WWOX: variants seen among roughly 807,000 people sequenced by gnomAD.
The protein encoded by WWOX is WW domain-containing oxidoreductase.
WWOX carries 69 observed loss-of-function variants against 46.2 expected under a neutral mutation model. The ratio of observed to expected loss-of-function variants is 1.49; its 90% CI spans 1.23 to 1.82. The LOEUF is 1.82. Ranked by LOEUF, WWOX falls within the 40% of genes most tolerant of loss-of-function variation. WWOX has a pLI of 0.00. For missense variants in WWOX, 919 were observed against 542.6 expected (o/e 1.69, Z -6.89); for synonymous variants, 359 against 202.6 (o/e 1.77, Z -6.56).
At chr16:78,379,798 A>T (rs1050493279) in intron 5 of WWOX, among the ~76,000 whole-genome samples, 1 of 152,140 alleles carries the variant, frequency 6.6e-6, no homozygotes, top group African/African-American at 2.4e-5. Context: ...TGGTTTTGAA[A>T]ACTAGGTTTG....
At chr16:78,427,526 A>G (rs1045525042) in intron 7 of WWOX, among the ~76,000 whole-genome samples, 1 of 147,992 alleles carries the variant, frequency 6.8e-6, no homozygotes, top group Non-Finnish European at 1.5e-5. Flanking sequence ...ACAAAATCAC[A>G]CATACACGCA....
At chr16:78,439,757 G>A (rs1053140616) in intron 8 of WWOX, among the ~76,000 whole-genome samples, 2 of 152,228 alleles carry the variant, frequency 1.3e-5, no homozygotes, top group African/African-American at 4.8e-5. Flanking sequence ...TGTATCCAGA[G>A]TTGCTGAGGC....
At chr16:78,333,160 C>T (rs1310889791) in intron 5 of WWOX, among the ~76,000 whole-genome samples, 2 of 148,810 alleles carry the variant, frequency 1.3e-5, no homozygotes, top group East Asian at 4.0e-4. Flanking sequence ...AGGCGATTCT[C>T]CTGCCTCAGC....
intron 8 of WWOX, among the ~76,000 whole-genome samples, chr16:78,761,136 A>G (rs755942931): frequency 1.3e-5 from 2 of 152,168 alleles, no homozygotes; most frequent in Non-Finnish European, 2.9e-5. Context: ...CAGGCTAATG[A>G]CTGAGCGGGG....
At chr16:79,047,672 ATTTT>A (rs71140858) in intron 8 of WWOX, among the ~76,000 whole-genome samples, 1,294 of 53,248 alleles carry the variant, frequency 0.024, 7 homozygotes, top group African/African-American at 0.096. Context: ...GACTGTCCTG[ATTTT>A]TTTTTTTTTT....
intron 8 of WWOX, among the ~76,000 whole-genome samples, chr16:78,658,350 G>A (rs182572486): frequency 6.6e-6 from 1 of 152,300 alleles, no homozygotes; most frequent in East Asian, 1.9e-4. Flanking sequence ...TATGTGCCAT[G>A]CCCTGCTCTA....
intron 8 of WWOX, among the ~76,000 whole-genome samples, chr16:78,810,852 A>G (rs750329219): frequency 3.3e-5 from 5 of 152,248 alleles, no homozygotes; most frequent in Non-Finnish European, 7.3e-5. Context: ...ATCCAAAAAG[A>G]CAAGTGCTCA....
At chr16:78,571,199 G>C (rs753139996) in intron 8 of WWOX, among the ~76,000 whole-genome samples, 1 of 152,180 alleles carries the variant, frequency 6.6e-6, no homozygotes, top group South Asian at 2.1e-4. Flanking sequence ...TAATAATGCA[G>C]ACAGCCTTTG....
intron 8 of WWOX, among the ~76,000 whole-genome samples, chr16:78,652,285 T>A (rs1245227606): frequency 2.6e-5 from 4 of 151,680 alleles, no homozygotes; most frequent in African/African-American, 9.7e-5. Context: ...GGTGAGCACC[T>A]GTAATCCCAG....
intron 8 of WWOX, among the ~76,000 whole-genome samples, chr16:78,657,021 T>G (rs191681442): frequency 6.6e-6 from 1 of 152,280 alleles, no homozygotes; most frequent in East Asian, 1.9e-4. Flanking sequence ...CGTGTACTCA[T>G]TTATTTCTGA....
intron 5 of WWOX, among the ~76,000 whole-genome samples, chr16:78,293,502 C>G (rs761256135): frequency 6.6e-6 from 1 of 152,120 alleles, no homozygotes; most frequent in East Asian, 1.9e-4. Context: ...GTTCTAAGCT[C>G]TATGGATCAC....
intron 5 of WWOX, among the ~76,000 whole-genome samples, chr16:78,357,997 G>A (rs550577107): frequency 6.6e-6 from 1 of 152,132 alleles, no homozygotes; most frequent in African/African-American, 2.4e-5. Context: ...CCGGAGATGT[G>A]GAGCTGTGCA....
At chr16:79,187,945 T>C (rs1325008704) in intron 8 of WWOX, among the ~76,000 whole-genome samples, 4 of 152,172 alleles carry the variant, frequency 2.6e-5, no homozygotes, top group Non-Finnish European at 4.4e-5. Flanking sequence ...CAAGGCACGA[T>C]TGATAATGTT....
intron 5 of WWOX, among the ~76,000 whole-genome samples, chr16:78,216,850 G>C (rs1408806187): frequency 2.6e-5 from 4 of 152,080 alleles, no homozygotes; most frequent in Admixed American, 2.6e-4. Context: ...TCCTGCCTCA[G>C]CCTCCTGAGT....
chr16:78,579,314 A>G (rs1396533985), intron 8 of WWOX, among the ~76,000 whole-genome samples: 1 of 152,128 alleles, frequency 6.6e-6, no homozygotes, highest in African/African-American at 2.4e-5. Flanking sequence ...CGACGGTGTG[A>G]GTGATATGGA....
At chr16:78,807,832 T>G (rs909906433) in intron 8 of WWOX, among the ~76,000 whole-genome samples, 1 of 152,252 alleles carries the variant, frequency 6.6e-6, no homozygotes, top group Non-Finnish European at 1.5e-5. Context: ...TAAAGTTGTA[T>G]AACATTTGTA....
At chr16:78,214,847 G>A (rs879749641) in intron 5 of WWOX, among the ~76,000 whole-genome samples, 9 of 150,098 alleles carry the variant, frequency 6.0e-5, no homozygotes, top group Non-Finnish European at 1.0e-4. Context: ...AAAAAAAAAG[G>A]TTTGTCGTTT....
intron 4 of WWOX, among the ~76,000 whole-genome samples, chr16:78,134,225 C>G (rs1049204189): frequency 5.3e-5 from 8 of 152,158 alleles, no homozygotes; most frequent in Non-Finnish European, 1.2e-4. Context: ...TGATAGAAAG[C>G]TATCTGCTAT....
intron 8 of WWOX, chr16:78,826,041 A>T (rs2051645951): frequency 2.1e-6 from 1 of 471,294 alleles, no homozygotes. Flanking sequence ...CGGAGTCTGG[A>T]TGTTGCTTTG....
Sources: gnomAD v4.1 joint callset for allele counts (sites outside exome capture counted in the v4.1 genomes callset) on GRCh38, gnomAD v4.1.1 for gene constraint, MANE v1.5 for transcripts, NCBI Gene and HGNC (gene_info 2026-07-23, HGNC 2026-07-21) for gene names.